SEMA3E: variants seen among roughly 807,000 people sequenced by gnomAD.
The protein encoded by SEMA3E is semaphorin 3E.
Under a neutral mutation model 93.6 loss-of-function variants are expected in SEMA3E, and 49 were observed. That is an observed-to-expected ratio of 0.52 (90% CI 0.42 to 0.66). SEMA3E has a LOEUF of 0.66. SEMA3E is among the 30% of genes least tolerant of loss of function. The probability of loss-of-function intolerance (pLI) is 0.00; values close to 1 mark genes in which losing one functional copy is unlikely to be tolerated. For synonymous variants in SEMA3E, 363 were observed against 330.7 expected, an observed-to-expected ratio of 1.10 and a Z score of -1.06; for missense variants, 906 against 964.8, an observed-to-expected ratio of 0.94 and a Z score of 0.81.
chr7:83,581,647 TGGTATAAAAC>T, intron 1 of SEMA3E, among the ~76,000 whole-genome samples: 1 of 152,000 alleles, frequency 6.6e-6, no homozygotes, highest in Non-Finnish European at 1.5e-5. Flanking sequence ...AAAATAAATA[TGGTATAAAAC>T]GACATCACAT....
intron 4 of SEMA3E, among the ~76,000 whole-genome samples, chr7:83,430,429 C>T (rs1302557871): frequency 6.6e-6 from 1 of 151,940 alleles, no homozygotes; most frequent in Non-Finnish European, 1.5e-5. Context: ...CCCGCCACTG[C>T]ACTCCAGCCT....
intron 1 of SEMA3E, among the ~76,000 whole-genome samples, chr7:83,556,404 G>T (rs1329727740): frequency 6.6e-6 from 1 of 152,076 alleles, no homozygotes; most frequent in Non-Finnish European, 1.5e-5. Context: ...CTTATTAAAT[G>T]CCAGGTCGTT....
At chr7:83,403,396 C>G (rs1307601742) in intron 9 of SEMA3E, among the ~76,000 whole-genome samples, 1 of 151,850 alleles carries the variant, frequency 6.6e-6, no homozygotes, top group Non-Finnish European at 1.5e-5. Flanking sequence ...AAACTTAGAT[C>G]CCTCATCTCC....
rs1226024794 is a variant in SEMA3E, at chr7:83,375,362, G to A, written c.1876-7324C>T. Reference sequence around the variant, plus strand: ...ATCTCTCTGCATGTCCTTATAAAAAGAGAGGGAGGTTTCCAACAACAGCAC... The same window carrying A: ...ATCTCTCTGCATGTCCTTATAAAAAAAGAGGGAGGTTTCCAACAACAGCAC... On this transcript the variant is annotated intron_variant, in intron 16 of 16. Transcript: ENST00000643230. Among the ~76,000 whole-genome samples, 3 of 152,066 alleles carry A rather than the reference G, an allele frequency of 2.0e-5. 1 individual carries two copies. The highest frequency in any genetic ancestry group is 4.4e-5 in the Non-Finnish European group (3 of 67,978).
chr7:83,616,303 G>A (rs903825615), intron 1 of SEMA3E, among the ~76,000 whole-genome samples: 9 of 152,212 alleles, frequency 5.9e-5, no homozygotes, highest in Admixed American at 2.6e-4. Flanking sequence ...TTCATGCTAT[G>A]TCCTATTTTG....
At chr7:83,387,852 TTA>T (rs945744448) in intron 14 of SEMA3E, among the ~76,000 whole-genome samples, 53 of 139,036 alleles carry the variant, frequency 3.8e-4, no homozygotes, top group East Asian at 4.3e-4. Context: ...ATATATATGT[TTA>T]TATATATATA....
At chr7:83,429,222 G>T (rs1454328359) in intron 4 of SEMA3E, among the ~76,000 whole-genome samples, 1 of 152,084 alleles carries the variant, frequency 6.6e-6, no homozygotes, top group East Asian at 1.9e-4. Flanking sequence ...TATAATACAT[G>T]TAAGTAAACT....
chr7:83,594,555 C>A (rs1034132274), intron 1 of SEMA3E, among the ~76,000 whole-genome samples: 2 of 152,030 alleles, frequency 1.3e-5, no homozygotes, highest in African/African-American at 4.8e-5. Context: ...GAGCGCAAAC[C>A]TTCCTAGGTT....
intron 16 of SEMA3E, 81 bp from the exon 17 acceptor site, chr7:83,368,119 T>TGG: frequency 7.7e-7 from 1 of 1,305,620 alleles, no homozygotes; most frequent in Non-Finnish European, 1.1e-6. Flanking sequence ...CTACCTATCT[T>TGG]GAATTTTTTC....
chr7:83,584,723 A>T (rs1015789572), intron 1 of SEMA3E, among the ~76,000 whole-genome samples: 9 of 152,162 alleles, frequency 5.9e-5, no homozygotes, highest in African/African-American at 2.2e-4. Context: ...AACTTTAAAA[A>T]AATAGTGTAA....
At chr7:83,373,989 C>T (rs1217271237) in intron 16 of SEMA3E, among the ~76,000 whole-genome samples, 1 of 151,794 alleles carries the variant, frequency 6.6e-6, no homozygotes, top group East Asian at 1.9e-4. Context: ...GGCAGATCAC[C>T]TGAGGTTGGG....
chr7:83,405,978 T>C lies in SEMA3E; in HGVS notation c.895A>G (p.Met299Val). 1.2e-6 allele frequency: 2 copies of C among 1,613,266 alleles called. No individual in the cohort carries two copies. The highest frequency in any genetic ancestry group is 8.5e-7 in the Non-Finnish European group (1 of 1,179,358). ...KARLVCSVPG[M>V]NGIDTYFDEL... ...TCAAAATATGTGTCAATTCCATTCA[T>C]TCCTGGTACTGAGCAAACGAGTCTC... Residue 299 changes from methionine (M) to valine (V), a missense_variant, in exon 8 of 17, where the codon ATG becomes GTG. Coordinates refer to ENST00000643230, the MANE Select transcript of SEMA3E (RefSeq NM_012431.3).
At chr7:83,504,389 T>A (rs1022256476) in intron 1 of SEMA3E, among the ~76,000 whole-genome samples, 1 of 152,230 alleles carries the variant, frequency 6.6e-6, no homozygotes, top group African/African-American at 2.4e-5. Flanking sequence ...GTGTGTTATT[T>A]ACCATTACTT....
In SEMA3E at chr7:83,627,430, G is replaced by T. The variant is rs568958958; in HGVS notation, c.115+20998C>A. On this transcript the variant is annotated intron_variant, in intron 1 of 16. Transcript: ENST00000643230. ...TATTTAGGATAGTTAGTGAATCTGG[G>T]TGCTCCTCTATTAGATGCAGATATA... 1.5e-4 allele frequency among the ~76,000 whole-genome samples: 23 copies of T among 152,050 alleles called. 1 individual carries two copies. In the South Asian group the frequency reaches 4.8e-3, roughly 32 times the overall value.
chr7:83,549,631 A>G (rs1443663113), intron 1 of SEMA3E, among the ~76,000 whole-genome samples: 2 of 152,080 alleles, frequency 1.3e-5, no homozygotes, highest in Non-Finnish European at 2.9e-5. Flanking sequence ...TTCTATATCC[A>G]TAGGACATTT....
At chr7:83,635,824 TA>T (rs1307676234) in intron 1 of SEMA3E, among the ~76,000 whole-genome samples, 2 of 145,374 alleles carry the variant, frequency 1.4e-5, no homozygotes, top group Admixed American at 6.9e-5. Flanking sequence ...TTTAAAATGA[TA>T]AATGAAAGAC....
At chr7:83,615,769 T>C (rs1263850625) in intron 1 of SEMA3E, among the ~76,000 whole-genome samples, 2 of 152,110 alleles carry the variant, frequency 1.3e-5, no homozygotes, top group African/African-American at 2.4e-5. Context: ...TAGAGAGCAT[T>C]GTCTTCAGTG....
At chr7:83,480,705 C>T (rs935425104) in intron 2 of SEMA3E, among the ~76,000 whole-genome samples, 1 of 152,046 alleles carries the variant, frequency 6.6e-6, no homozygotes, top group Non-Finnish European at 1.5e-5. Flanking sequence ...TTTACTGAAT[C>T]TATTTAAGTC....
intron 4 of SEMA3E, among the ~76,000 whole-genome samples, chr7:83,445,354 G>T (rs759245499): frequency 1.5e-4 from 23 of 150,768 alleles, no homozygotes; most frequent in Non-Finnish European, 2.4e-4. Flanking sequence ...ATTCTGGAAG[G>T]TAGAGGTGGA....
Sources: gnomAD v4.1 joint callset for allele counts (sites outside exome capture counted in the v4.1 genomes callset) on GRCh38, gnomAD v4.1.1 for gene constraint, MANE v1.5 for transcripts, NCBI Gene and HGNC (gene_info 2026-07-23, HGNC 2026-07-21) for gene names.